MBP: variants seen among roughly 807,000 people sequenced by gnomAD.
The protein encoded by MBP is Golli-MBP.
A neutral mutation model predicts 35.8 loss-of-function variants in MBP; 16 were observed. The ratio of observed to expected loss-of-function variants is 0.45; its 90% CI spans 0.30 to 0.68. The LOEUF is 0.68. Ranked by LOEUF, MBP falls within the 30% of genes least tolerant of loss-of-function variation. The probability of loss-of-function intolerance (pLI) is 0.08; values close to 1 mark genes in which losing one functional copy is unlikely to be tolerated. For missense variants in MBP, 380 were observed against 404.7 expected (o/e 0.94, Z 0.52); for synonymous variants, 143 against 159.6 (o/e 0.90, Z 0.78).
intron 2 of MBP, among the ~76,000 whole-genome samples, chr18:77,072,688 C>G (rs1267691946): frequency 6.6e-6 from 1 of 152,198 alleles, no homozygotes; most frequent in Non-Finnish European, 1.5e-5. Flanking sequence ...ACCATCAAAG[C>G]CACTTCTCAG....
At chr18:77,012,915 A>G in intron 4 of MBP, 1 of 985,472 alleles carries the variant, frequency 1.0e-6, no homozygotes, top group Non-Finnish European at 1.2e-6. Flanking sequence ...ATACATTCCC[A>G]TGATTTACAA....
At chr18:77,076,684 A>G (rs1190736845) in intron 2 of MBP, among the ~76,000 whole-genome samples, 4 of 152,202 alleles carry the variant, frequency 2.6e-5, no homozygotes, top group Non-Finnish European at 5.9e-5. Context: ...CAGTTATTAA[A>G]TATATTGGTG....
rs117400131 is a variant in MBP at position 77,112,375 on chromosome 18, G to A, written c.-25-7089C>T. Among the ~76,000 whole-genome samples the A allele has an allele frequency of 4.9e-4, 75 of 152,316 alleles. No homozygotes were observed. In the East Asian group the frequency reaches 0.012, roughly 25 times the overall value. On this transcript the variant is annotated intron_variant, in intron 1 of 8. Transcript: ENST00000355994. ...GGGAGGTCGGACATGTCCTGATTGCGTGTTCATCACGATGGCAAACCGAAC... is the reference window on the plus strand; with the variant it reads ...GGGAGGTCGGACATGTCCTGATTGCATGTTCATCACGATGGCAAACCGAAC...
At chr18:76,997,054 C>A (rs1970311994) in intron 4 of MBP, among the ~76,000 whole-genome samples, 1 of 152,178 alleles carries the variant, frequency 6.6e-6, no homozygotes, top group Admixed American at 6.5e-5. Flanking sequence ...AGCGTCCTCC[C>A]CCTCCAAATG....
chr18:77,031,608 T>G (rs1019687126), intron 3 of MBP, among the ~76,000 whole-genome samples: 1 of 152,260 alleles, frequency 6.6e-6, no homozygotes, highest in Non-Finnish European at 1.5e-5. Flanking sequence ...CTTGATGTCT[T>G]TAACACTGGG....
chr18:77,030,324 G>A (rs560563944), intron 3 of MBP, among the ~76,000 whole-genome samples: 2 of 152,298 alleles, frequency 1.3e-5, no homozygotes, highest in African/African-American at 4.8e-5. Context: ...TACTATTCAC[G>A]TAGGGACTCT....
At chr18:77,132,393 T>C (rs578151311) in intron 1 of MBP, among the ~76,000 whole-genome samples, 187 bp downstream of exon 1, 6 of 152,082 alleles carry the variant, frequency 3.9e-5, no homozygotes, top group Non-Finnish European at 7.4e-5. Flanking sequence ...AGGTTCTCCC[T>C]GCGCGTCCCC....
At chr18:77,130,005 C>T (rs1266177282) in intron 1 of MBP, among the ~76,000 whole-genome samples, 4 of 147,222 alleles carry the variant, frequency 2.7e-5, no homozygotes, top group African/African-American at 1.0e-4. Context: ...GCCGAGATTG[C>T]ACCACTGCAC....
intron 3 of MBP, among the ~76,000 whole-genome samples, chr18:77,038,331 C>T (rs990818680): frequency 6.6e-6 from 1 of 152,352 alleles, no homozygotes; most frequent in African/African-American, 2.4e-5. Flanking sequence ...GAACTGGCAG[C>T]CCTGGGTTCC....
At chr18:76,994,655 A>C (rs1284883932) in intron 4 of MBP, among the ~76,000 whole-genome samples, 1 of 152,258 alleles carries the variant, frequency 6.6e-6, no homozygotes, top group Non-Finnish European at 1.5e-5. Context: ...CTTTTAAGGT[A>C]CACATGATGT....
At chr18:77,069,541 A>T (rs940770530) in intron 2 of MBP, among the ~76,000 whole-genome samples, 3 of 152,196 alleles carry the variant, frequency 2.0e-5, no homozygotes, top group Non-Finnish European at 4.4e-5. Context: ...GTGTCCTCCC[A>T]TTGGCGTGGG....
At chr18:77,033,359 G>T (rs961149582) in intron 3 of MBP, among the ~76,000 whole-genome samples, 4 of 152,136 alleles carry the variant, frequency 2.6e-5, no homozygotes, top group African/African-American at 9.7e-5. Context: ...TGCCTCATTT[G>T]CAAAACTGAT....
At chr18:77,058,918 T>C (rs1266696227) in intron 3 of MBP, among the ~76,000 whole-genome samples, 1 of 152,220 alleles carries the variant, frequency 6.6e-6, no homozygotes, top group African/African-American at 2.4e-5. Context: ...CTCCACCATA[T>C]GGACATAACG....
At chr18:77,118,151 G>T (rs1976753490) in intron 1 of MBP, among the ~76,000 whole-genome samples, 1 of 97,266 alleles carries the variant, frequency 1.0e-5, no homozygotes, top group Non-Finnish European at 2.2e-5. Context: ...ACAGTGGGTT[G>T]GGGTGGGATG....
intron 2 of MBP, among the ~76,000 whole-genome samples, chr18:77,104,670 A>G (rs901560107): frequency 6.6e-6 from 1 of 152,232 alleles, no homozygotes; most frequent in African/African-American, 2.4e-5. Context: ...TTCATGCTCT[A>G]TCAAACCAGC....
At position 76,990,045 on chromosome 18, in the gene MBP, C is replaced by G. The variant is rs1568268265; in HGVS notation, c.592G>C (p.Ala198Pro). The change falls in exon 5 of 9, where the codon GCA becomes CCA. Residue 198 changes from alanine (A) to proline (P), a missense_variant. Physicochemically the swap from Ala to Pro is conservative, Grantham distance 27. Coordinates refer to ENST00000355994, the MANE Select transcript of MBP (RefSeq NM_001025101.2). ...RGSGKDSHHPARTAHYGSLPQ... is the reference protein window; with the variant it reads ...RGSGKDSHHPPRTAHYGSLPQ... ...AGGGAGCCGTAGTGAGCAGTTCTTG[C>G]CGGGTGGTGTGAGTCCTGAAACACA... is the stretch of plus-strand genomic sequence containing the variant. 6.2e-7 allele frequency: 1 copy of G among 1,612,258 alleles called. No individual in the cohort carries two copies. Among genetic ancestry groups the G allele is most frequent in the East Asian group, 2.2e-5 (1 of 44,840 alleles).
intron 1 of MBP, among the ~76,000 whole-genome samples, chr18:77,128,383 G>T (rs1390200047): frequency 6.6e-6 from 1 of 152,124 alleles, no homozygotes; most frequent in Non-Finnish European, 1.5e-5. Context: ...CTCAGGGAGG[G>T]GGAAGGAGGA....
At chr18:77,069,879 C>T (rs951722455) in intron 2 of MBP, among the ~76,000 whole-genome samples, 9 of 152,234 alleles carry the variant, frequency 5.9e-5, no homozygotes, top group Non-Finnish European at 1.3e-4. Context: ...ACTCCAAATC[C>T]GCCTTTTTCT....
At position 77,102,976 on chromosome 18, in the gene MBP, G is replaced by A. The variant is rs1900497928; in HGVS notation, c.51+2235C>T. Among the ~76,000 whole-genome samples the A allele has an allele frequency of 7.0e-6, 1 of 142,774 alleles. No individual in the cohort carries two copies. The highest frequency in any genetic ancestry group is 2.4e-5 in the African/African-American group (1 of 40,988). 93.7% of individuals were successfully genotyped at this position (142,774 alleles called of 152,430 possible). On this transcript the variant is annotated intron_variant, in intron 2 of 8. Coordinates refer to ENST00000355994, the MANE Select transcript of MBP (RefSeq NM_001025101.2). The surrounding 1 kb of genome is among the most constrained non-coding windows in gnomAD (Gnocchi z 4.4). Reference sequence around the variant, plus strand: ...CAGTAATACAGTTTAAGTATGGGCTGAACAAAATAATGAGTCACCCTCCCA... The same window carrying A: ...CAGTAATACAGTTTAAGTATGGGCTAAACAAAATAATGAGTCACCCTCCCA...
Sources: gnomAD v4.1 joint callset for allele counts (sites outside exome capture counted in the v4.1 genomes callset) on GRCh38, gnomAD v4.1.1 for gene constraint, Gnocchi (gnomAD v3.1) non-coding constraint, MANE v1.5 for transcripts, NCBI Gene and HGNC (gene_info 2026-07-23, HGNC 2026-07-21) for gene names.